The following SND1 variants were observed in gnomAD, a reference collection of about 807,000 sequenced individuals.
The protein encoded by SND1 is staphylococcal nuclease and tudor domain containing 1, also known as staphylococcal nuclease domain-containing protein 1.
Under a neutral mutation model 121.7 loss-of-function variants are expected in SND1, and 38 were observed. The observed-to-expected ratio is 0.31, with a 90% CI of 0.24 to 0.41. The LOEUF (loss-of-function observed/expected upper bound fraction) is 0.41. SND1 is among the 10% of genes least tolerant of loss of function. SND1 has a pLI of 1.00. For missense variants in SND1, 868 were observed against 1,184.6 expected, an observed-to-expected ratio of 0.73 and a Z score of 3.92; for synonymous variants, 401 against 447.4, an observed-to-expected ratio of 0.90 and a Z score of 1.31.
chr7:127,810,158 G>T (rs1224500277), intron 11 of SND1, among the ~76,000 whole-genome samples: 1 of 152,184 alleles, frequency 6.6e-6, no homozygotes, highest in Non-Finnish European at 1.5e-5. Context: ...CGACTAATCT[G>T]ACATCATAAG....
intron 14 of SND1, among the ~76,000 whole-genome samples, chr7:127,912,709 C>T (rs1017306344): frequency 6.6e-6 from 1 of 151,962 alleles, no homozygotes; most frequent in Admixed American, 6.6e-5. Context: ...CAAGACTTTA[C>T]CTTATTGAAA....
At position 127,906,104 on chromosome 7, in the gene SND1, A is replaced by G. The variant is rs556568665; in HGVS notation, c.1527+1285A>G. 5.9e-5 allele frequency among the ~76,000 whole-genome samples: 9 copies of G among 152,212 alleles called. 1 individual carries two copies. In the South Asian group the frequency reaches 1.9e-3, roughly 32 times the overall value. ...GACTCTGTTGAGCTTTTCTTTCTCT[A>G]TAACCAGTCACTGCAGATTATAGGT... is the stretch of plus-strand genomic sequence containing the variant. On this transcript the variant is annotated intron_variant, in intron 14 of 23. Transcript: ENST00000354725.
chr7:127,966,294 C>T (rs368884772), intron 15 of SND1, among the ~76,000 whole-genome samples: 7 of 150,780 alleles, frequency 4.6e-5, no homozygotes, highest in African/African-American at 9.8e-5. Context: ...GACAGATCAA[C>T]GAGACAGAAA....
In SND1 at chr7:128,029,870, A is replaced by G. The variant is rs774369760; in HGVS notation, c.1779+38814A>G. ...CCAGCCCGTCAAAAGCATTCCGCTC[A>G]ATCAGGCTGACCTGTGAGTTCATGA... On this transcript the variant is annotated intron_variant, in intron 16 of 23. Coordinates refer to ENST00000354725, the MANE Select transcript of SND1 (RefSeq NM_014390.4). The surrounding 1 kb of genome is among the most constrained non-coding windows in gnomAD (Gnocchi z 4.2). The G allele has an allele frequency of 1.1e-5, 17 of 1,613,268 alleles. No homozygotes were observed. Among genetic ancestry groups the G allele is most frequent in the Non-Finnish European group, 1.4e-5 (17 of 1,180,038 alleles).
chr7:128,092,368 A>T lies in SND1; in HGVS notation c.*310A>T. 2.6e-6 allele frequency: 1 copy of T among 388,384 alleles called. No homozygotes were observed. The highest frequency in any genetic ancestry group is 4.7e-6 in the Non-Finnish European group (1 of 214,346). The allele number at this position is 388,384 out of a possible 1,614,324, so 24.1% of individuals were successfully genotyped here. A position where few individuals can be genotyped will look rare whatever the true frequency, so the allele number is the denominator to read the frequency against. On this transcript the variant is annotated 3_prime_UTR_variant, in exon 24 of 24. Coordinates refer to ENST00000354725, the MANE Select transcript of SND1 (RefSeq NM_014390.4). The surrounding 1 kb of genome is among the most constrained non-coding windows in gnomAD (Gnocchi z 4.9). ...CTCAAATCAGGAAGAAACATCAAAG[A>T]CTATGTCCTAGTGGAGGGAGTAATC...
chr7:127,792,816 G>A (rs925395362), intron 10 of SND1, among the ~76,000 whole-genome samples: 1 of 152,054 alleles, frequency 6.6e-6, no homozygotes, highest in Non-Finnish European at 1.5e-5. Flanking sequence ...AGCTGAACTC[G>A]CTTGCTGCTG....
intron 10 of SND1, among the ~76,000 whole-genome samples, chr7:127,749,545 A>G (rs1272636809): frequency 1.3e-5 from 2 of 152,184 alleles, no homozygotes; most frequent in African/African-American, 4.8e-5. Flanking sequence ...TAGACAGTGT[A>G]CATGGAAAGG....
At chr7:127,662,911 G>A (rs76632897) in intron 1 of SND1, among the ~76,000 whole-genome samples, 3 of 54,384 alleles carry the variant, frequency 5.5e-5, no homozygotes, top group Non-Finnish European at 1.1e-4. Flanking sequence ...TTTTTTTTTT[G>A]AGACAGAATC....
rs112000388 is a variant in SND1, at chr7:127,910,313, G to A, written c.1527+5494G>A. Among the ~76,000 whole-genome samples the A allele has an allele frequency of 1.0e-3, 157 of 152,016 alleles. 2 individuals carry two copies. Among genetic ancestry groups the A allele is most frequent in the Admixed American group, 4.6e-3 (70 of 15,276 alleles). On this transcript the variant is annotated intron_variant, in intron 14 of 23. Coordinates refer to ENST00000354725, the MANE Select transcript of SND1 (RefSeq NM_014390.4). ...AAAAAAATTAGCCAGGCGTGGTCGCGGGCACCTGTAATCCCAGCTACTTGG... is the reference window on the plus strand; with the variant it reads ...AAAAAAATTAGCCAGGCGTGGTCGCAGGCACCTGTAATCCCAGCTACTTGG...
intron 1 of SND1, among the ~76,000 whole-genome samples, chr7:127,656,957 G>T (rs1225633141): frequency 3.3e-5 from 5 of 152,208 alleles, no homozygotes; most frequent in African/African-American, 1.2e-4. Flanking sequence ...CGGCAGGTAA[G>T]CCTGGTAGCT....
At chr7:127,994,655 C>G (rs1802602310) in intron 16 of SND1, among the ~76,000 whole-genome samples, 1 of 149,566 alleles carries the variant, frequency 6.7e-6, no homozygotes, top group African/African-American at 2.5e-5. Flanking sequence ...ATCTGTGCCA[C>G]TGCCAGTTTT....
At chr7:128,087,863 G>A (rs576379114) in intron 21 of SND1, among the ~76,000 whole-genome samples, 9 of 152,114 alleles carry the variant, frequency 5.9e-5, no homozygotes, top group South Asian at 2.1e-4. Context: ...GCTGAGGGTC[G>A]TGGATACCCT....
intron 10 of SND1, among the ~76,000 whole-genome samples, chr7:127,727,559 C>G (rs1489126389): frequency 2.6e-5 from 4 of 152,140 alleles, no homozygotes; most frequent in African/African-American, 7.2e-5. Context: ...AACCCACTCA[C>G]TGTGATCTCC....
intron 16 of SND1, chr7:128,028,354 GT>G (rs898272070): frequency 6.6e-5 from 16 of 243,012 alleles, no homozygotes; most frequent in African/African-American, 3.4e-4. Context: ...CTTTAAGGAT[GT>G]TTGTTGTTTT....
chr7:127,690,272 T>C (rs1212486694), intron 2 of SND1, among the ~76,000 whole-genome samples: 2 of 152,202 alleles, frequency 1.3e-5, no homozygotes, highest in Non-Finnish European at 2.9e-5. Context: ...TGCCTTAGCC[T>C]GGGTTACAAG....
At chr7:127,708,421 T>TCCTC (rs35329729) in intron 9 of SND1, among the ~76,000 whole-genome samples, 141,911 of 150,206 alleles carry the variant, frequency 0.94, 67,455 homozygotes, top group Non-Finnish European at 1. Context: ...CTTCCTGCCT[T>TCCTC]CCTCCCTTCC....
intron 12 of SND1, among the ~76,000 whole-genome samples, chr7:127,856,587 AG>A (rs1475953153): frequency 6.6e-6 from 1 of 152,250 alleles, no homozygotes; most frequent in Non-Finnish European, 1.5e-5. Context: ...AGCTTCATAA[AG>A]GGAGGTGGAC....
intron 10 of SND1, among the ~76,000 whole-genome samples, chr7:127,762,409 C>A (rs1170854936): frequency 6.6e-6 from 1 of 152,214 alleles, no homozygotes; most frequent in Non-Finnish European, 1.5e-5. Flanking sequence ...TCTTCATGTC[C>A]TCTCTGCACA....
At chr7:127,913,696 GGATT>G (rs1218643757) in intron 14 of SND1, among the ~76,000 whole-genome samples, 3 of 152,142 alleles carry the variant, frequency 2.0e-5, no homozygotes, top group Non-Finnish European at 4.4e-5. Flanking sequence ...GTGTGTGATT[GGATT>G]GTCTGATCTG....
Sources: gnomAD v4.1 joint callset for allele counts (sites outside exome capture counted in the v4.1 genomes callset) on GRCh38, gnomAD v4.1.1 for gene constraint, Gnocchi (gnomAD v3.1) non-coding constraint, MANE v1.5 for transcripts, NCBI Gene and HGNC (gene_info 2026-07-23, HGNC 2026-07-21) for gene names.